Variants in ZNF521 observed in about 807,000 individuals in gnomAD.
ZNF521 encodes zinc finger protein 521.
Under a neutral mutation model 105.5 loss-of-function variants are expected in ZNF521, and 14 were observed. The observed-to-expected ratio is 0.13, with a 90% CI of 0.09 to 0.21. The LOEUF is 0.21. Among genes scored for constraint, ZNF521 ranks in the 10% least tolerant of loss-of-function variants. The probability of loss-of-function intolerance (pLI) is 1.00; values close to 1 mark genes in which losing one functional copy is unlikely to be tolerated. For missense variants in ZNF521, 1,233 were observed against 1,629.7 expected (o/e 0.76, Z 4.19); for synonymous variants, 635 against 606.0 (o/e 1.05, Z -0.70).
intron 3 of ZNF521, among the ~76,000 whole-genome samples, chr18:25,294,500 T>C (rs372458346): frequency 3.3e-5 from 5 of 152,188 alleles, no homozygotes; most frequent in East Asian, 1.9e-4. Context: ...TACAGTCAAA[T>C]GTAACGAAAA....
At chr18:25,173,802 T>A (rs984595820) in intron 5 of ZNF521, among the ~76,000 whole-genome samples, 9 of 152,188 alleles carry the variant, frequency 5.9e-5, no homozygotes, top group Non-Finnish European at 8.8e-5. Flanking sequence ...ACACAGAACA[T>A]CCACTTGAAA....
intron 4 of ZNF521, chr18:25,201,950 C>T (rs1049113273): frequency 4.6e-5 from 7 of 152,132 alleles, no homozygotes; most frequent in South Asian, 2.1e-4. Flanking sequence ...CGTAGCACAC[C>T]TGCACTAAAC....
chr18:25,333,984 C>A (rs9955825), intron 2 of ZNF521, among the ~76,000 whole-genome samples: 56,854 of 151,912 alleles, frequency 0.37, 10,760 homozygotes, highest in African/African-American at 0.39. Context: ...AGTAACAGCA[C>A]GGAGAAGAAA....
chr18:25,112,206 A>G (rs1190063425), intron 5 of ZNF521, among the ~76,000 whole-genome samples: 1 of 152,256 alleles, frequency 6.6e-6, no homozygotes, highest in African/African-American at 2.4e-5. Context: ...ACATACAAAT[A>G]TGAAATGAAT....
chr18:25,205,528 AC>A (rs1286124810), intron 4 of ZNF521, among the ~76,000 whole-genome samples: 1 of 152,152 alleles, frequency 6.6e-6, no homozygotes, highest in East Asian at 1.9e-4. Flanking sequence ...TTTCACTGTT[AC>A]CAAAATAAGG....
At chr18:25,103,535 T>TAG in intron 5 of ZNF521, among the ~76,000 whole-genome samples, 1 of 152,256 alleles carries the variant, frequency 6.6e-6, no homozygotes, top group African/African-American at 2.4e-5. Flanking sequence ...ACCCCATACT[T>TAG]ACGTATGGAA....
intron 5 of ZNF521, among the ~76,000 whole-genome samples, chr18:25,096,737 C>T (rs1026257623): frequency 1.3e-5 from 2 of 152,148 alleles, no homozygotes; most frequent in Non-Finnish European, 2.9e-5. Flanking sequence ...AAGTAGAACT[C>T]CTTCTCCCTT....
intron 5 of ZNF521, among the ~76,000 whole-genome samples, chr18:25,179,721 A>G (rs888719540): frequency 3.9e-5 from 6 of 152,210 alleles, no homozygotes; most frequent in Admixed American, 2.0e-4. Context: ...GCTCCACAGT[A>G]TTCATTTCAC....
At chr18:25,101,415 T>C (rs1018331474) in intron 5 of ZNF521, among the ~76,000 whole-genome samples, 2 of 152,104 alleles carry the variant, frequency 1.3e-5, no homozygotes, top group Non-Finnish European at 2.9e-5. Context: ...AAGGGGTTTG[T>C]AGATGTTTTT....
At chr18:25,181,001 C>T (rs4286182) in intron 5 of ZNF521, among the ~76,000 whole-genome samples, 44,271 of 152,004 alleles carry the variant, frequency 0.29, 6,605 homozygotes, top group South Asian at 0.38. Context: ...AGCAGGTTTA[C>T]TCCAGATTAT....
intron 1 of ZNF521, 72 bp from the exon 2 acceptor site, chr18:25,351,019 C>G: frequency 2.3e-6 from 3 of 1,305,092 alleles, no homozygotes; most frequent in Non-Finnish European, 3.0e-6. Context: ...GCCGCGCGCC[C>G]CTCGGGCCGC....
rs149159544 is a variant in ZNF521 at position 25,257,796 on chromosome 18, T to C, written c.221-30099A>G. Among the ~76,000 whole-genome samples the C allele has an allele frequency of 2.6e-3, 403 of 152,188 alleles. 1 individual carries two copies. The highest frequency in any genetic ancestry group is 0.01 in the Middle Eastern group (3 of 294). On this transcript the variant is annotated intron_variant, in intron 3 of 7. Transcript: ENST00000361524. ...GACTGGAAGAGATACAAAGGAAGGG[T>C]TGTGGCTTTCAAGTCTTGGGAAGAG...
At chr18:25,351,077 C>A in intron 1 of ZNF521, 130 bp from the exon 2 acceptor site, 1 of 484,254 alleles carries the variant, frequency 2.1e-6, no homozygotes, top group Non-Finnish European at 2.8e-6. Flanking sequence ...TCGCTCCGCG[C>A]TCCGCTCCTC....
Position 25,071,507 on chromosome 18 carries a change from T to G in ZNF521, c.3907-8766A>C, listed in dbSNP as rs548823413. Among the ~76,000 whole-genome samples the G allele has an allele frequency of 1.4e-4, 22 of 152,300 alleles. 1 individual carries two copies. The South Asian group carries it at 4.6e-3, about 32-fold the overall frequency. ...TCAGTATTTGGGGAATGGAAAAAAC[T>G]ATCTACTTTGAAAGAACTACAGAGC... On this transcript the variant is annotated intron_variant, in intron 7 of 7. Coordinates refer to ENST00000361524, the MANE Select transcript of ZNF521 (RefSeq NM_015461.3).
rs543429541 is a variant in ZNF521 at position 25,251,308 on chromosome 18, A to C, written c.221-23611T>G. Among the ~76,000 whole-genome samples the C allele has an allele frequency of 2.0e-5, 3 of 152,316 alleles. No individual in the cohort carries two copies. The South Asian group carries it at 6.2e-4, about 32-fold the overall frequency. ...TATGTAAAACTGCAGATGTCTTCTT[A>C]TTAATCAAGATTCTAATACATTCCA... On this transcript the variant is annotated intron_variant, in intron 3 of 7. Transcript: ENST00000361524.
At chr18:25,256,424 T>G (rs1237855546) in intron 3 of ZNF521, among the ~76,000 whole-genome samples, 2 of 152,172 alleles carry the variant, frequency 1.3e-5, no homozygotes, top group Admixed American at 6.5e-5. Context: ...TTAATTTTTT[T>G]AAGTTAGCAG....
rs1262338395 is a variant in ZNF521 at position 25,209,735 on chromosome 18, G to A, written c.3574-14491C>T. 2.6e-5 allele frequency among the ~76,000 whole-genome samples: 4 copies of A among 152,160 alleles called. No homozygotes were observed. In the East Asian group the frequency reaches 7.7e-4, roughly 29 times the overall value. Reference sequence around the variant, plus strand: ...TCCCTTGCAATCCAATAATACTATTGAGCATTTTTCCTTTCTTAACTGTGA... The same window carrying A: ...TCCCTTGCAATCCAATAATACTATTAAGCATTTTTCCTTTCTTAACTGTGA... On this transcript the variant is annotated intron_variant, in intron 4 of 7. Coordinates refer to ENST00000361524, the MANE Select transcript of ZNF521 (RefSeq NM_015461.3).
intron 3 of ZNF521, among the ~76,000 whole-genome samples, chr18:25,253,421 TG>T (rs148441677): frequency 0.023 from 3,550 of 152,232 alleles, 78 homozygotes; most frequent in East Asian, 0.083. Flanking sequence ...GGGAAACAAT[TG>T]GGAGTTTAAA....
chr18:25,079,375 C>T (rs12953756), intron 7 of ZNF521, among the ~76,000 whole-genome samples: 3,382 of 152,214 alleles, frequency 0.022, 123 homozygotes, highest in East Asian at 0.14. Context: ...TCTTACTCAT[C>T]GATGATTAGC....
Sources: allele counts gnomAD v4.1 joint callset (sites outside exome capture counted in the v4.1 genomes callset), GRCh38; gene constraint gnomAD v4.1.1; transcripts MANE v1.5; gene names NCBI Gene and HGNC (gene_info 2026-07-23, HGNC 2026-07-21).